CUL9: variants seen among roughly 807,000 people sequenced by gnomAD.
CUL9 encodes cullin 9.
In CUL9, 79 loss-of-function variants were observed where a neutral mutation model predicts 272.6. That is an observed-to-expected ratio of 0.29 (90% CI 0.24 to 0.35). The LOEUF (loss-of-function observed/expected upper bound fraction) is 0.35. Among genes scored for constraint, CUL9 ranks in the 10% least tolerant of loss-of-function variants. The probability of loss-of-function intolerance (pLI) is 1.00; values close to 1 mark genes in which losing one functional copy is unlikely to be tolerated. For missense variants in CUL9, 2,532 were observed against 3,255.6 expected (o/e 0.78, Z 5.41); for synonymous variants, 1,186 against 1,286.5 (o/e 0.92, Z 1.67).
In CUL9 at chr6:43,184,660, C is replaced by T. The variant is rs1200574271; in HGVS notation, c.350C>T (p.Ala117Val). Residue 117 changes from alanine (A) to valine (V), a missense_variant, in exon 2 of 41, where the codon GCT (alanine) becomes GTT (valine). Around this residue, in one of 3 missense-constraint regions of CUL9, gnomAD observed 2,218 missense variants for 2,788.6 expected, o/e 0.80. Coordinates refer to ENST00000252050, the MANE Select transcript of CUL9 (RefSeq NM_015089.4). The surrounding 1 kb of genome is among the most constrained non-coding windows in gnomAD (Gnocchi z 4.8). ...LDEVAMGEME[A>V]DVQALVRRAA... ...GAAGTGGCAATGGGAGAGATGGAGG[C>T]TGATGTTCAGGCGCTGGTACGCAGG... The T allele has an allele frequency of 1.2e-6, 2 of 1,611,694 alleles. No homozygotes were observed. Among genetic ancestry groups the T allele is most frequent in the East Asian group, 4.5e-5 (2 of 44,784 alleles).
At chr6:43,186,713 A>G (rs1293095930) in intron 4 of CUL9, among the ~76,000 whole-genome samples, 1 of 152,132 alleles carries the variant, frequency 6.6e-6, no homozygotes, top group Admixed American at 6.5e-5. Flanking sequence ...CCCCACCAAC[A>G]CCAGTGGAAG....
At chr6:43,222,145 GC>G (rs1776419177) in intron 35 of CUL9, 170 bp from the exon 36 acceptor site, 1 of 647,932 alleles carries the variant, frequency 1.5e-6, no homozygotes, top group Non-Finnish European at 2.8e-6. Flanking sequence ...AGCCTCAACA[GC>G]CTCTGCAAAA....
chr6:43,203,466 C>A lies in CUL9; in HGVS notation c.3899C>A (p.Pro1300His), dbSNP rs374769752. The A allele has an allele frequency of 6.2e-7, 1 of 1,614,144 alleles. No homozygotes were observed. The highest frequency in any genetic ancestry group is 2.2e-5 in the East Asian group (1 of 44,880). Reference sequence around the variant, plus strand: ...GGTGTGGAGGTCCTGGGCCCTAAGCCCACATTCTGGCCACTGTTCCGGGAG... The same window carrying A: ...GGTGTGGAGGTCCTGGGCCCTAAGCACACATTCTGGCCACTGTTCCGGGAG... ...VRGVEVLGPK[P>H]TFWPLFREQL... Residue 1300 changes from proline to histidine, a missense_variant, in exon 19 of 41, where the codon CCC becomes CAC. Pro to His is a moderately conservative substitution (Grantham distance 77, BLOSUM62 -2). Around this residue, in one of 3 missense-constraint regions of CUL9, gnomAD observed 2,218 missense variants for 2,788.6 expected, o/e 0.80. Coordinates refer to ENST00000252050, the MANE Select transcript of CUL9 (RefSeq NM_015089.4). This position sits in a 1 kb window ranked among gnomAD's most constrained non-coding sequence, Gnocchi z 5.0.
Position 43,223,503 on chromosome 6 carries a change from C to A in CUL9, c.7284+106C>A. ...GGGGCGAGTCCAGAAGGAAAGGCAGCAAAGCGGGTGAATGGATGTTAGACC... is the reference window on the plus strand; with the variant it reads ...GGGGCGAGTCCAGAAGGAAAGGCAGAAAAGCGGGTGAATGGATGTTAGACC... On this transcript the variant is annotated intron_variant, in intron 39 of 40. Transcript: ENST00000252050. The surrounding 1 kb of genome is among the most constrained non-coding windows in gnomAD (Gnocchi z 4.1). The A allele has an allele frequency of 7.0e-7, 1 of 1,433,638 alleles. No individual in the cohort carries two copies. The highest frequency in any genetic ancestry group is 2.5e-5 in the Admixed American group (1 of 40,468). The allele number at this position is 1,433,638 out of a possible 1,614,324, so 88.8% of individuals were successfully genotyped here.
In CUL9 at chr6:43,203,366, A is replaced by C. The variant is rs1421733310; in HGVS notation, c.3850-51A>C. 6.2e-7 allele frequency: 1 copy of C among 1,609,248 alleles called. No homozygotes were observed. Among genetic ancestry groups the C allele is most frequent in the South Asian group, 1.1e-5 (1 of 90,412 alleles). On this transcript the variant is annotated intron_variant, in intron 18 of 40. Coordinates refer to ENST00000252050, the MANE Select transcript of CUL9 (RefSeq NM_015089.4). The surrounding 1 kb of genome is among the most constrained non-coding windows in gnomAD (Gnocchi z 5.0). ...GGGCAGGAGGCTTGGCTTTGGTAGT[A>C]CTTAGTGGCTCAAGCGGCTTGGGTG...
At position 43,205,493 on chromosome 6, in the gene CUL9, TA is replaced by T. The variant is rs1562044280; in HGVS notation, c.4793+71del. On this transcript the variant is annotated intron_variant, in intron 24 of 40. Transcript: ENST00000252050. ...AGAGAGTGGAAAGATTTGAGTCTTA[TA>T]GGGGAGATGAGAAAAGAGGCTGTGT... is the stretch of plus-strand genomic sequence containing the variant. The T allele has an allele frequency of 2.0e-6, 3 of 1,536,930 alleles. No individual in the cohort carries two copies. In the African/African-American group the frequency reaches 4.1e-5, roughly 21 times the overall value.
chr6:43,191,270 G>GTC (rs1357180782), intron 8 of CUL9, among the ~76,000 whole-genome samples: 1 of 148,010 alleles, frequency 6.8e-6, no homozygotes, highest in Non-Finnish European at 1.5e-5. Context: ...GTGTGTGTGT[G>GTC]TGTGTGTGTG....
intron 11 of CUL9, 101 bp from the exon 12 acceptor site, chr6:43,198,508 G>C (rs567617463): frequency 3.9e-6 from 6 of 1,535,444 alleles, no homozygotes; most frequent in Non-Finnish European, 4.4e-6. Context: ...CAATATAGAA[G>C]GAAAATTTTG....
chr6:43,222,083 C>T (rs1776413978), intron 35 of CUL9: 2 of 599,438 alleles, frequency 3.3e-6, no homozygotes, highest in Non-Finnish European at 5.9e-6. Flanking sequence ...GCATTTAGAG[C>T]CTGGCTCTGC....
In CUL9 at chr6:43,206,059, G is replaced by T. The variant is rs1415815293; in HGVS notation, c.4846G>T (p.Ala1616Ser). The change falls in exon 25 of 41, where the codon GCT becomes TCT. Residue 1616 changes from alanine to serine, a missense_variant. This residue lies in a region of CUL9 where 2,218 missense variants were observed against 2,788.6 expected (regional missense o/e 0.80). Coordinates refer to ENST00000252050, the MANE Select transcript of CUL9 (RefSeq NM_015089.4). The surrounding 1 kb of genome is among the most constrained non-coding windows in gnomAD (Gnocchi z 4.8). ...CTTTGGTTCGAGCTGGCTGGAGGGGGCTGTGCTAGAGCAGATTGGCCTCTG... is the reference window on the plus strand; with the variant it reads ...CTTTGGTTCGAGCTGGCTGGAGGGGTCTGTGCTAGAGCAGATTGGCCTCTG... ...LSFGSSWLEGAVLEQIGLCFP... is the reference protein window; with the variant it reads ...LSFGSSWLEGSVLEQIGLCFP... 2 of 1,614,156 alleles carry T rather than the reference G, an allele frequency of 1.2e-6. 1 individual carries two copies.
chr6:43,200,541 C>G lies in CUL9; in HGVS notation c.3475+15C>G, dbSNP rs1271012021. ...TCTCTGCCAGGGTTAGTGCCCTCAT[C>G]TGCTTTCTCCTGGCTCCCATCCAGT... On this transcript the variant is annotated intron_variant, in intron 15 of 40. Transcript: ENST00000252050. The surrounding 1 kb of genome is among the most constrained non-coding windows in gnomAD (Gnocchi z 4.0). 8 of 1,614,182 alleles carry G rather than the reference C, an allele frequency of 5.0e-6. No homozygotes were observed. The highest frequency in any genetic ancestry group is 5.9e-6 in the Non-Finnish European group (7 of 1,180,026).
Position 43,224,147 on chromosome 6 carries a change from G to GCC in CUL9, c.7337_7338insCC (p.Pro2447HisfsTer81). 2 of 1,614,212 alleles carry GCC rather than the reference G, an allele frequency of 1.2e-6. No individual in the cohort carries two copies. Among genetic ancestry groups the GCC allele is most frequent in the Non-Finnish European group, 1.7e-6 (2 of 1,180,036 alleles). ...TCAGTAGAGGCCTGGGAGGCAAAAG[G>GCC]ACCCAACATGCCTGGCAGTCAGTAA... On this transcript the variant is annotated frameshift_variant, in exon 40 of 41. Coordinates refer to ENST00000252050, the MANE Select transcript of CUL9 (RefSeq NM_015089.4). LOFTEE classifies it high-confidence loss of function. The surrounding 1 kb of genome is among the most constrained non-coding windows in gnomAD (Gnocchi z 4.2).
Position 43,218,216 on chromosome 6 carries a change from T to TTTA in CUL9, c.6282+1725_6282+1727dup, listed in dbSNP as rs527428602. Reference sequence around the variant, plus strand: ...TATTATATTATTTATTTATTTTTATTTTATTATTATTATTTTTTGAGATGG... The same window carrying TTTA: ...TATTATATTATTTATTTATTTTTATTTTATTATTATTATTATTTTTTGAGATGG... On this transcript the variant is annotated intron_variant, in intron 31 of 40. Coordinates refer to ENST00000252050, the MANE Select transcript of CUL9 (RefSeq NM_015089.4). The surrounding 1 kb of genome is among the most constrained non-coding windows in gnomAD (Gnocchi z 4.4). 1.3e-5 allele frequency among the ~76,000 whole-genome samples: 2 copies of TTTA among 151,502 alleles called. No homozygotes were observed. The highest frequency in any genetic ancestry group is 6.6e-5 in the Admixed American group (1 of 15,196).
chr6:43,196,461 G>C (rs928250973), intron 10 of CUL9, 184 bp from the exon 11 acceptor site: 9 of 765,716 alleles, frequency 1.2e-5, no homozygotes, highest in Non-Finnish European at 1.7e-5. Context: ...AGAGGGCAGA[G>C]ACACACTGAC....
Position 43,187,461 on chromosome 6 carries a change from TG to T in CUL9, c.1581+27del, listed in dbSNP as rs1258182200. ...TGAGGTATTATAGGTCTGAGATACC[TG>T]GGGGTTTTCTAGTAGGGTTAGAGGT... is the stretch of plus-strand genomic sequence containing the variant. On this transcript the variant is annotated intron_variant, in intron 6 of 40. Coordinates refer to ENST00000252050, the MANE Select transcript of CUL9 (RefSeq NM_015089.4). 3 of 1,610,710 alleles carry T rather than the reference TG, an allele frequency of 1.9e-6. No individual in the cohort carries two copies. The Admixed American group carries it at 5.0e-5, about 27-fold the overall frequency.
Position 43,191,481 on chromosome 6 carries a change from A to ATTTTTTTTTT in CUL9, c.2181-1505_2181-1496dup, listed in dbSNP as rs34090146. Among the ~76,000 whole-genome samples, 27 of 97,440 alleles carry ATTTTTTTTTT rather than the reference A, an allele frequency of 2.8e-4. 1 individual carries two copies. Among genetic ancestry groups the ATTTTTTTTTT allele is most frequent in the African/African-American group, 8.6e-4 (17 of 19,744 alleles). The allele number at this position is 97,440 out of a possible 152,430, so 63.9% of individuals were successfully genotyped here. A position where few individuals can be genotyped will look rare whatever the true frequency, so the allele number is the denominator to read the frequency against. ...AGGAATGAGCCACCACACCCAGCTA[A>ATTTTTTTTTT]TTTTTTTTTTTTTTTTTTTTTTTTA... On this transcript the variant is annotated intron_variant, in intron 8 of 40. Coordinates refer to ENST00000252050, the MANE Select transcript of CUL9 (RefSeq NM_015089.4).
chr6:43,223,355 G>C lies in CUL9; in HGVS notation c.7242G>C (p.Arg2414=), dbSNP rs901875409. 3 of 1,601,344 alleles carry C rather than the reference G, an allele frequency of 1.9e-6. No homozygotes were observed. The highest frequency in any genetic ancestry group is 2.6e-6 in the Non-Finnish European group (3 of 1,173,826). The change falls in exon 39 of 41, where the codon CGG becomes CGC. Residue 2414 remains arginine (R), a synonymous_variant. Transcript: ENST00000252050. This position sits in a 1 kb window ranked among gnomAD's most constrained non-coding sequence, Gnocchi z 4.1. ...GCACGGGCATGGAGCTGCTCCGGCG[G>C]ATCCAGGAGAGGCTGCTTGCCATCC... ...CLSTGMELLR[R]IQERLLAILQ... is the part of the protein sequence containing the mutation.
At chr6:43,187,515 G>A in intron 6 of CUL9, 76 bp downstream of exon 6, 1 of 1,489,810 alleles carries the variant, frequency 6.7e-7, no homozygotes, top group Non-Finnish European at 9.2e-7. Flanking sequence ...GTTTCAGATA[G>A]GGGTTACCGC....
Position 43,200,339 on chromosome 6 carries a change from C to T in CUL9, c.3385-97C>T, listed in dbSNP as rs1303939044. 3 of 1,592,180 alleles carry T rather than the reference C, an allele frequency of 1.9e-6. No individual in the cohort carries two copies. The highest frequency in any genetic ancestry group is 2.6e-6 in the Non-Finnish European group (3 of 1,162,824). On this transcript the variant is annotated intron_variant, in intron 14 of 40. Coordinates refer to ENST00000252050, the MANE Select transcript of CUL9 (RefSeq NM_015089.4). The surrounding 1 kb of genome is among the most constrained non-coding windows in gnomAD (Gnocchi z 4.0). Reference sequence around the variant, plus strand: ...TGTGGGGAGAGAGGAGTTGAGTATACCGTTGACCCTTGACTTTTTCTCTCT... The same window carrying T: ...TGTGGGGAGAGAGGAGTTGAGTATATCGTTGACCCTTGACTTTTTCTCTCT...
Sources: gnomAD v4.1 joint callset for allele counts (sites outside exome capture counted in the v4.1 genomes callset) on GRCh38, gnomAD v4.1.1 for gene constraint, gnomAD v4.1.1 regional missense constraint, Gnocchi (gnomAD v3.1) non-coding constraint, MANE v1.5 for transcripts, NCBI Gene and HGNC (gene_info 2026-07-23, HGNC 2026-07-21) for gene names.